CELF4: variants seen among roughly 807,000 people sequenced by gnomAD.
CELF4 encodes CUGBP Elav-like family member 4.
A neutral mutation model predicts 59.9 loss-of-function variants in CELF4; 18 were observed. That is an observed-to-expected ratio of 0.30 (90% CI 0.21 to 0.45). CELF4 has a LOEUF of 0.45. Ranked by LOEUF, CELF4 falls within the 20% of genes least tolerant of loss-of-function variation. The probability of loss-of-function intolerance (pLI) is 1.00; values close to 1 mark genes in which losing one functional copy is unlikely to be tolerated. For synonymous variants in CELF4, 261 were observed against 267.1 expected, an observed-to-expected ratio of 0.98 and a Z score of 0.22; for missense variants, 456 against 689.0, an observed-to-expected ratio of 0.66 and a Z score of 3.79.
At chr18:37,492,463 C>T (rs1354873347) in intron 1 of CELF4, among the ~76,000 whole-genome samples, 1 of 152,122 alleles carries the variant, frequency 6.6e-6, no homozygotes, top group African/African-American at 2.4e-5. Context: ...AGGGAAAGTC[C>T]ACCAGCTTCC....
intron 2 of CELF4, among the ~76,000 whole-genome samples, chr18:37,326,137 C>T (rs1009367100): frequency 3.9e-5 from 6 of 151,984 alleles, no homozygotes; most frequent in Admixed American, 6.6e-5. Flanking sequence ...CTGCAGAGAT[C>T]GGGAGAGAAC....
chr18:37,384,141 G>A (rs1184557120), intron 2 of CELF4, among the ~76,000 whole-genome samples: 1 of 152,124 alleles, frequency 6.6e-6, no homozygotes, highest in Non-Finnish European at 1.5e-5. Context: ...ATTGACGAGA[G>A]GAAGTCGTAC....
chr18:37,394,447 C>A (rs1343675887), intron 2 of CELF4, among the ~76,000 whole-genome samples: 7 of 152,196 alleles, frequency 4.6e-5, no homozygotes, highest in Admixed American at 2.0e-4. Context: ...TCCTTCTGGC[C>A]GCGCGTGCTT....
chr18:37,335,396 G>T (rs1382795249), intron 2 of CELF4, among the ~76,000 whole-genome samples: 1 of 152,122 alleles, frequency 6.6e-6, no homozygotes, highest in African/African-American at 2.4e-5. Context: ...ATGTAAATGG[G>T]TGACTAGGAG....
chr18:37,307,570 C>T (rs764275171), intron 3 of CELF4, among the ~76,000 whole-genome samples: 3 of 152,036 alleles, frequency 2.0e-5, no homozygotes, highest in African/African-American at 4.8e-5. Flanking sequence ...TCAGTGGCAT[C>T]GGCCCCACTG....
chr18:37,360,656 C>G (rs998839434), intron 2 of CELF4, among the ~76,000 whole-genome samples: 1 of 152,174 alleles, frequency 6.6e-6, no homozygotes, highest in Non-Finnish European at 1.5e-5. Flanking sequence ...CGTTGCAGGG[C>G]TATACTCTTC....
At chr18:37,390,402 TTGTGCA>T (rs1186832013) in intron 2 of CELF4, among the ~76,000 whole-genome samples, 4 of 152,094 alleles carry the variant, frequency 2.6e-5, no homozygotes, top group African/African-American at 9.7e-5. Context: ...CCTAGTAGTT[TTGTGCA>T]TGTGGGTCTC....
Position 37,414,503 on chromosome 18 carries a change from C to CTTTTTTTT in CELF4, c.369+71014_369+71021dup, listed in dbSNP as rs55943928. On this transcript the variant is annotated intron_variant, in intron 2 of 12. Coordinates refer to ENST00000420428, the MANE Select transcript of CELF4 (RefSeq NM_020180.4). Reference sequence around the variant, plus strand: ...CTACTCATTTTTTTTCTTTTCTTTTCTTTTTTTTTTTTTTTTGAGACGGAG... The same window carrying CTTTTTTTT: ...CTACTCATTTTTTTTCTTTTCTTTTCTTTTTTTTTTTTTTTTTTTTTTTTGAGACGGAG... Among the ~76,000 whole-genome samples the CTTTTTTTT allele has an allele frequency of 3.3e-3, 385 of 115,980 alleles. 3 individuals are homozygous for CTTTTTTTT. Among genetic ancestry groups the CTTTTTTTT allele is most frequent in the East Asian group, 5.8e-3 (23 of 3,982 alleles). The allele number at this position is 115,980 out of a possible 152,430, so 76.1% of individuals were successfully genotyped here. A position where few individuals can be genotyped will look rare whatever the true frequency, so the allele number is the denominator to read the frequency against.
intron 7 of CELF4, 34 bp downstream of exon 7, chr18:37,272,982 G>C (rs779925023): frequency 1.9e-6 from 3 of 1,585,190 alleles, no homozygotes; most frequent in Non-Finnish European, 2.6e-6. Flanking sequence ...TTCTCCCACC[G>C]GGCCAGACCG....
In CELF4 at chr18:37,493,682, G is replaced by T. The variant is rs189589595; in HGVS notation, c.287-8075C>A. On this transcript the variant is annotated intron_variant, in intron 1 of 12. Transcript: ENST00000420428. ...TGGGGGTGATGGGGACTGCAGAGGT[G>T]GGGGAGGGGGAAGATGGATGGTCCC... 2.1e-3 allele frequency among the ~76,000 whole-genome samples: 326 copies of T among 152,150 alleles called. 8 individuals are homozygous for T. In the South Asian group the frequency reaches 0.04, roughly 18 times the overall value.
At chr18:37,529,776 C>T (rs1169930919) in intron 1 of CELF4, among the ~76,000 whole-genome samples, 3 of 152,176 alleles carry the variant, frequency 2.0e-5, no homozygotes, top group African/African-American at 7.2e-5. Context: ...CACTCAACAG[C>T]CACTGGAGCT....
intron 3 of CELF4, among the ~76,000 whole-genome samples, chr18:37,312,432 C>T (rs1032579147): frequency 3.9e-5 from 6 of 152,212 alleles, no homozygotes; most frequent in Non-Finnish European, 5.9e-5. Flanking sequence ...TGTCTTATGT[C>T]TCACACAAAC....
At chr18:37,266,361 C>T (rs1012701317) in intron 9 of CELF4, 172 bp downstream of exon 9, 10 of 692,580 alleles carry the variant, frequency 1.4e-5, no homozygotes, top group African/African-American at 3.6e-5. Flanking sequence ...CTCGGTGGCC[C>T]GCTGACAAGA....
intron 3 of CELF4, among the ~76,000 whole-genome samples, chr18:37,277,589 C>A (rs935937899): frequency 6.6e-6 from 1 of 152,088 alleles, no homozygotes; most frequent in Non-Finnish European, 1.5e-5. Context: ...AGGCAAAGAG[C>A]TGGGAGAAGA....
intron 1 of CELF4, among the ~76,000 whole-genome samples, chr18:37,511,388 C>T (rs1460732543): frequency 6.6e-6 from 1 of 152,116 alleles, no homozygotes; most frequent in African/African-American, 2.4e-5. Context: ...AAGGCTCTAG[C>T]CCATCAAGGT....
chr18:37,494,804 A>G (rs1261666810), intron 1 of CELF4, among the ~76,000 whole-genome samples: 1 of 152,110 alleles, frequency 6.6e-6, no homozygotes, highest in Non-Finnish European at 1.5e-5. Flanking sequence ...AGGACGGGCC[A>G]TGCTCAGGGA....
At chr18:37,507,662 G>T (rs1464299230) in intron 1 of CELF4, among the ~76,000 whole-genome samples, 1 of 152,232 alleles carries the variant, frequency 6.6e-6, no homozygotes, top group Non-Finnish European at 1.5e-5. Flanking sequence ...AGAGAAGGCA[G>T]CTGTGAGAGA....
chr18:37,346,153 G>T (rs1427966244), intron 2 of CELF4, among the ~76,000 whole-genome samples: 1 of 152,188 alleles, frequency 6.6e-6, no homozygotes, highest in Admixed American at 6.5e-5. Context: ...GAGGATGAGG[G>T]CTCCCTATGT....
At chr18:37,341,214 C>T (rs1047509324) in intron 2 of CELF4, among the ~76,000 whole-genome samples, 2 of 152,288 alleles carry the variant, frequency 1.3e-5, no homozygotes, top group African/African-American at 2.4e-5. Context: ...GTGTGTCCTC[C>T]CAGGGGGCCT....
Sources: gnomAD v4.1 joint callset for allele counts (sites outside exome capture counted in the v4.1 genomes callset) on GRCh38, gnomAD v4.1.1 for gene constraint, MANE v1.5 for transcripts, NCBI Gene and HGNC (gene_info 2026-07-23, HGNC 2026-07-21) for gene names.